CACNA1A: variants seen among roughly 807,000 people sequenced by gnomAD.
CACNA1A encodes the protein calcium voltage-gated channel subunit alpha1 A, also known as voltage-dependent P/Q-type calcium channel subunit alpha-1A.
Under a neutral mutation model 262.4 loss-of-function variants are expected in CACNA1A, and 57 were observed. The ratio of observed to expected loss-of-function variants is 0.22; its 90% CI spans 0.18 to 0.27. The LOEUF is 0.27. Ranked by LOEUF, CACNA1A falls within the 10% of genes least tolerant of loss-of-function variation. The pLI, the probability that CACNA1A is intolerant of heterozygous loss-of-function variation, is 1.00. For missense variants in CACNA1A, 2,526 were observed against 3,562.8 expected, an observed-to-expected ratio of 0.71 and a Z score of 7.41; for synonymous variants, 1,431 against 1,419.3, an observed-to-expected ratio of 1.01 and a Z score of -0.18.
intron 3 of CACNA1A, among the ~76,000 whole-genome samples, chr19:13,386,586 T>G (rs1441983821): frequency 2.6e-5 from 4 of 151,982 alleles, no homozygotes; most frequent in Non-Finnish European, 5.9e-5. Context: ...GTCAGGAGTT[T>G]GAGACCAGCC....
rs1403996650 is a variant in CACNA1A at position 13,505,797 on chromosome 19, C to G, written c.293+135G>C. On this transcript the variant is annotated intron_variant, in intron 1 of 46. Transcript: ENST00000360228. ...TCTTTCACACTCCTCCCGGTGCCCC[C>G]TCTCCCAGCCCCTGGAAGACCCCCC... 3.4e-6 allele frequency: 3 copies of G among 870,854 alleles called. No homozygotes were observed. The African/African-American group carries it at 5.0e-5, about 15-fold the overall frequency. 53.9% of individuals were successfully genotyped at this position (870,854 alleles called of 1,614,324 possible).
At chr19:13,326,960 GT>G (rs962977765) in intron 10 of CACNA1A, among the ~76,000 whole-genome samples, 13 of 151,090 alleles carry the variant, frequency 8.6e-5, no homozygotes, top group African/African-American at 3.2e-4. Flanking sequence ...GGGGCATGCT[GT>G]GGCTCACCGC....
intron 3 of CACNA1A, among the ~76,000 whole-genome samples, chr19:13,374,970 G>A (rs1177333849): frequency 1.3e-5 from 2 of 152,136 alleles, no homozygotes; most frequent in African/African-American, 4.8e-5. Context: ...CACACCGGCC[G>A]AGGAAGACTT....
intron 3 of CACNA1A, among the ~76,000 whole-genome samples, chr19:13,448,750 T>C (rs1207456787): frequency 6.6e-6 from 1 of 152,102 alleles, no homozygotes; most frequent in Non-Finnish European, 1.5e-5. Context: ...TGGGTCAAAA[T>C]AGCCCAAAGC....
At chr19:13,232,523 A>C (rs1163748298) in intron 34 of CACNA1A, among the ~76,000 whole-genome samples, 2 of 150,702 alleles carry the variant, frequency 1.3e-5, no homozygotes, top group Non-Finnish European at 3.0e-5. Context: ...CGAGGTCAGG[A>C]GATTGAGACC....
chr19:13,348,709 G>A (rs533294412), intron 6 of CACNA1A, among the ~76,000 whole-genome samples: 7 of 152,300 alleles, frequency 4.6e-5, no homozygotes, highest in Non-Finnish European at 8.8e-5. Flanking sequence ...GTTGGTGCAT[G>A]CCTGTAGTCC....
At chr19:13,467,414 A>G (rs2061267270) in intron 1 of CACNA1A, among the ~76,000 whole-genome samples, 1 of 151,872 alleles carries the variant, frequency 6.6e-6, no homozygotes, top group African/African-American at 2.4e-5. Flanking sequence ...CCAGAAGGTC[A>G]AGGCTGCAGT....
intron 6 of CACNA1A, among the ~76,000 whole-genome samples, chr19:13,352,249 T>C (rs967605764): frequency 2.0e-5 from 3 of 151,928 alleles, no homozygotes; most frequent in Non-Finnish European, 2.9e-5. Context: ...TTACTAAAAA[T>C]ACAAAAAATT....
intron 1 of CACNA1A, among the ~76,000 whole-genome samples, chr19:13,494,012 T>C (rs960325600): frequency 2.0e-5 from 3 of 152,250 alleles, no homozygotes; most frequent in South Asian, 2.1e-4. Flanking sequence ...AATAGCTTCA[T>C]CTTGCTAGAA....
intron 1 of CACNA1A, among the ~76,000 whole-genome samples, chr19:13,467,306 T>G (rs906646330): frequency 6.6e-6 from 1 of 152,022 alleles, no homozygotes; most frequent in Admixed American, 6.6e-5. Flanking sequence ...CTTTTCATAA[T>G]TAAAACCTTT....
intron 3 of CACNA1A, among the ~76,000 whole-genome samples, chr19:13,404,213 A>T (rs1276068746): frequency 6.6e-6 from 1 of 151,340 alleles, no homozygotes; most frequent in Non-Finnish European, 1.5e-5. Flanking sequence ...CACAGTAATA[A>T]GGTTCATAGT....
At chr19:13,297,652 C>T (rs553463777) in intron 19 of CACNA1A, among the ~76,000 whole-genome samples, 5 of 152,034 alleles carry the variant, frequency 3.3e-5, no homozygotes, top group Non-Finnish European at 7.4e-5. Flanking sequence ...CTCTACAAAA[C>T]ACTGTCTCTA....
At chr19:13,465,432 C>T (rs75688303) in intron 1 of CACNA1A, among the ~76,000 whole-genome samples, 2,530 of 152,234 alleles carry the variant, frequency 0.017, 66 homozygotes, top group African/African-American at 0.058. Flanking sequence ...GAATTAAACA[C>T]GATGTTGCCT....
intron 3 of CACNA1A, among the ~76,000 whole-genome samples, chr19:13,383,369 G>A (rs2059554141): frequency 6.6e-6 from 1 of 152,164 alleles, no homozygotes; most frequent in South Asian, 2.1e-4. Flanking sequence ...AATGGAGATG[G>A]GGAAGATGGA....
chr19:13,328,237 A>G (rs2058402073), intron 10 of CACNA1A, among the ~76,000 whole-genome samples: 1 of 152,234 alleles, frequency 6.6e-6, no homozygotes, highest in Non-Finnish European at 1.5e-5. Flanking sequence ...GAGGTAACGT[A>G]ACACGTGAGA....
At chr19:13,369,033 G>A (rs979529053) in intron 4 of CACNA1A, among the ~76,000 whole-genome samples, 10 of 119,816 alleles carry the variant, frequency 8.3e-5, no homozygotes, top group African/African-American at 3.0e-4. Context: ...GCGAGACTCC[G>A]TCTCAAAAAA....
intron 3 of CACNA1A, among the ~76,000 whole-genome samples, chr19:13,427,548 C>T (rs16979079): frequency 0.035 from 5,353 of 152,080 alleles, 305 homozygotes; most frequent in African/African-American, 0.12. Flanking sequence ...CAGGGCCGTC[C>T]CAAATTTGCA....
intron 3 of CACNA1A, among the ~76,000 whole-genome samples, chr19:13,392,152 A>G (rs1015643526): frequency 6.6e-6 from 1 of 152,086 alleles, no homozygotes; most frequent in African/African-American, 2.4e-5. Context: ...TTGAGGCTAC[A>G]GTGAGCTGTG....
At chr19:13,406,512 T>TGA (rs2060013671) in intron 3 of CACNA1A, among the ~76,000 whole-genome samples, 1 of 100,192 alleles carries the variant, frequency 1.0e-5, no homozygotes, top group Non-Finnish European at 2.0e-5. Context: ...TATATATATA[T>TGA]GAAGGGAATC....
Sources: allele counts gnomAD v4.1 joint callset (sites outside exome capture counted in the v4.1 genomes callset), GRCh38; gene constraint gnomAD v4.1.1; transcripts MANE v1.5; gene names NCBI Gene and HGNC (gene_info 2026-07-23, HGNC 2026-07-21).